CABLES1: variants seen among roughly 807,000 people sequenced by gnomAD.
CABLES1 encodes CDK5 and ABL1 enzyme substrate 1.
A neutral mutation model predicts 57.8 loss-of-function variants in CABLES1; 36 were observed. That is an observed-to-expected ratio of 0.62 (90% CI 0.48 to 0.82). CABLES1 has a LOEUF of 0.82. Ranked by LOEUF, CABLES1 falls within the 40% of genes least tolerant of loss-of-function variation. The pLI is 0.00. For synonymous variants in CABLES1, 374 were observed against 363.0 expected (o/e 1.03, Z -0.35); for missense variants, 767 against 836.6 (o/e 0.92, Z 1.03).
At chr18:23,225,419 T>A (rs538151300) in intron 4 of CABLES1, among the ~76,000 whole-genome samples, 1 of 152,358 alleles carries the variant, frequency 6.6e-6, no homozygotes, top group South Asian at 2.1e-4. Flanking sequence ...CATTTTGGTC[T>A]ATTTCCTTCC....
At chr18:23,252,648 C>T (rs1001427598) in intron 7 of CABLES1, among the ~76,000 whole-genome samples, 1 of 152,180 alleles carries the variant, frequency 6.6e-6, no homozygotes, top group Non-Finnish European at 1.5e-5. Context: ...AGCCCCATAC[C>T]GTGTGAACAG....
At chr18:23,143,386 G>A (rs1365969997) in intron 1 of CABLES1, among the ~76,000 whole-genome samples, 1 of 152,212 alleles carries the variant, frequency 6.6e-6, no homozygotes, top group Non-Finnish European at 1.5e-5. Flanking sequence ...GGTACAATTA[G>A]CAACAGGAAC....
At chr18:23,186,878 TGA>T (rs2145013116) in intron 1 of CABLES1, among the ~76,000 whole-genome samples, 1 of 152,302 alleles carries the variant, frequency 6.6e-6, no homozygotes, top group South Asian at 2.1e-4. Flanking sequence ...TGGGCAGATG[TGA>T]GTCTCCCCCA....
chr18:23,233,263 G>T (rs2047579335), intron 4 of CABLES1, among the ~76,000 whole-genome samples: 1 of 152,182 alleles, frequency 6.6e-6, no homozygotes, highest in African/African-American at 2.4e-5. Flanking sequence ...GTACAATTCT[G>T]ATATGTGGCA....
chr18:23,253,833 A>G lies in CABLES1; in HGVS notation c.1658A>G (p.Lys553Arg). 6.2e-7 allele frequency: 1 copy of G among 1,614,238 alleles called. No individual in the cohort carries two copies. The highest frequency in any genetic ancestry group is 8.5e-7 in the Non-Finnish European group (1 of 1,180,048). Residue 553 changes from lysine (K) to arginine (R), a missense_variant, in exon 9 of 10, where the codon AAA becomes AGA. Around this residue, in one of 4 missense-constraint regions of CABLES1, gnomAD observed 529 missense variants for 622.8 expected, o/e 0.85. Transcript: ENST00000256925. ...TTTGAAAAGCTCGCCCTCAAGGGGA[A>G]ACTCAACAAACAGAACCGGAAGCTG... ...VYFEKLALKG[K>R]LNKQNRKLCA...
chr18:23,139,798 G>A (rs1051582585), intron 1 of CABLES1, among the ~76,000 whole-genome samples: 1 of 151,910 alleles, frequency 6.6e-6, no homozygotes, highest in Non-Finnish European at 1.5e-5. Flanking sequence ...CTGGATCATT[G>A]ATGTCCAAGC....
chr18:23,188,815 A>G (rs1393244600), intron 1 of CABLES1, 23 bp from the exon 2 acceptor site: 2 of 1,597,258 alleles, frequency 1.3e-6, no homozygotes, highest in Admixed American at 3.3e-5. Context: ...TTTAACTCCC[A>G]GATTTTTTCC....
intron 1 of CABLES1, among the ~76,000 whole-genome samples, chr18:23,138,634 A>ACCTGC (rs2046838234): frequency 5.9e-5 from 9 of 152,198 alleles, no homozygotes; most frequent in African/African-American, 2.2e-4. Context: ...TTGTCTTATC[A>ACCTGC]CTAGAGTACT....
At chr18:23,254,438 T>A (rs1167518983) in intron 9 of CABLES1, among the ~76,000 whole-genome samples, 3 of 152,186 alleles carry the variant, frequency 2.0e-5, no homozygotes, top group Non-Finnish European at 2.9e-5. Context: ...TGAATGCCTG[T>A]TTTAGAATTC....
In CABLES1 at chr18:23,150,207, G is replaced by GTTTTTTTT. The variant is rs10638130; in HGVS notation, c.845+13612_845+13619dup. Among the ~76,000 whole-genome samples, 102 of 106,624 alleles carry GTTTTTTTT rather than the reference G, an allele frequency of 9.6e-4. 1 individual carries two copies. Among genetic ancestry groups the GTTTTTTTT allele is most frequent in the Middle Eastern group, 8.5e-3 (1 of 118 alleles). The allele number at this position is 106,624 out of a possible 152,430, so 69.9% of individuals were successfully genotyped here. A position where few individuals can be genotyped will look rare whatever the true frequency, so the allele number is the denominator to read the frequency against. On this transcript the variant is annotated intron_variant, in intron 1 of 9. Transcript: ENST00000256925. Reference sequence around the variant, plus strand: ...TTTAAGGTCATAGTAGTTGGTGTTTGTTTTTTTTTTTTTTTTTTTGAGACG... The same window carrying GTTTTTTTT: ...TTTAAGGTCATAGTAGTTGGTGTTTGTTTTTTTTTTTTTTTTTTTTTTTTTTTGAGACG...
chr18:23,186,511 T>C (rs949762977), intron 1 of CABLES1, among the ~76,000 whole-genome samples: 3 of 151,722 alleles, frequency 2.0e-5, no homozygotes, highest in Admixed American at 6.6e-5. Flanking sequence ...CTGCAACCTC[T>C]GCCTCCTGGG....
chr18:23,253,033 C>T lies in CABLES1; in HGVS notation c.1520C>T (p.Pro507Leu), dbSNP rs749836137. ...DMNETFKEKF[P>L]HIKLTLSKIR... ...AACGAGACCTTCAAGGAGAAGTTTC[C>T]TCACATTAAGCTGACACTCAGCAAA... The change falls in exon 8 of 10, where the codon CCT becomes CTT. Residue 507 changes from proline to leucine, a missense_variant. Pro to Leu is a moderately conservative substitution (Grantham distance 98). Around this residue, in one of 4 missense-constraint regions of CABLES1, gnomAD observed 529 missense variants for 622.8 expected, o/e 0.85. Coordinates refer to ENST00000256925, the MANE Select transcript of CABLES1 (RefSeq NM_001100619.3). The T allele has an allele frequency of 1.6e-5, 26 of 1,613,590 alleles. No homozygotes were observed. The highest frequency in any genetic ancestry group is 2.1e-5 in the Non-Finnish European group (25 of 1,179,674).
rs550469885 is a variant in CABLES1 at position 23,142,495 on chromosome 18, C to G, written c.845+5888C>G. ...TACTGTTGTACATGTTGATATCAGA[C>G]CCCAGACACCACAGAGGGGCAGGAG... On this transcript the variant is annotated intron_variant, in intron 1 of 9. Transcript: ENST00000256925. Among the ~76,000 whole-genome samples the G allele has an allele frequency of 2.6e-5, 4 of 152,302 alleles. No homozygotes were observed. In the East Asian group the frequency reaches 7.7e-4, roughly 29 times the overall value.
At chr18:23,246,910 C>G (rs1171299201) in intron 7 of CABLES1, among the ~76,000 whole-genome samples, 1 of 152,190 alleles carries the variant, frequency 6.6e-6, no homozygotes. Flanking sequence ...CCAAGCTGGT[C>G]TCGAACTCCT....
At chr18:23,221,354 T>G (rs538659528) in intron 4 of CABLES1, among the ~76,000 whole-genome samples, 2 of 152,354 alleles carry the variant, frequency 1.3e-5, no homozygotes, top group Admixed American at 1.3e-4. Context: ...TCTTTTACTT[T>G]AGGAATTCAA....
chr18:23,208,923 G>A (rs187709117), intron 3 of CABLES1, among the ~76,000 whole-genome samples: 286 of 152,188 alleles, frequency 1.9e-3, no homozygotes, highest in Non-Finnish European at 3.5e-3. Context: ...TCTTCCCTTC[G>A]TGCATGTGTA....
At chr18:23,254,087 G>A in intron 9 of CABLES1, 151 bp downstream of exon 9, 1 of 663,750 alleles carries the variant, frequency 1.5e-6, no homozygotes, top group South Asian at 1.9e-5. Flanking sequence ...CCCATAGTGG[G>A]AATAGTCAGG....
At chr18:23,177,844 A>G (rs1433601718) in intron 1 of CABLES1, among the ~76,000 whole-genome samples, 1 of 151,660 alleles carries the variant, frequency 6.6e-6, no homozygotes, top group Non-Finnish European at 1.5e-5. Context: ...GTGTGGACAC[A>G]CTCCACAGTA....
At chr18:23,200,196 G>A (rs1438993313) in intron 3 of CABLES1, among the ~76,000 whole-genome samples, 1 of 152,070 alleles carries the variant, frequency 6.6e-6, no homozygotes. Context: ...AATGAATGAA[G>A]TTTTAAGTCT....
Sources: gnomAD v4.1 joint callset for allele counts (sites outside exome capture counted in the v4.1 genomes callset) on GRCh38, gnomAD v4.1.1 for gene constraint, gnomAD v4.1.1 regional missense constraint, MANE v1.5 for transcripts, NCBI Gene and HGNC (gene_info 2026-07-23, HGNC 2026-07-21) for gene names.